The following GPN3 variants were observed in gnomAD, a reference collection of about 807,000 sequenced individuals.
GPN3 encodes the protein ATP-binding domain 1 family member C.
Under a neutral mutation model 38.7 loss-of-function variants are expected in GPN3, and 31 were observed. That is an observed-to-expected ratio of 0.80 (90% CI 0.60 to 1.08). The LOEUF (loss-of-function observed/expected upper bound fraction) is 1.08, where lower values mean the gene tolerates loss of function less well. Among genes scored for constraint, GPN3 ranks in the 50% least tolerant of loss-of-function variants. GPN3 has a pLI of 0.00. For missense variants in GPN3, 301 were observed against 354.4 expected, an observed-to-expected ratio of 0.85 and a Z score of 1.21; for synonymous variants, 116 against 120.2, an observed-to-expected ratio of 0.96 and a Z score of 0.23.
In GPN3 at chr12:110,465,115, C is replaced by T. The variant is rs146465651; in HGVS notation, c.148G>A (p.Val50Met). ...DPAAEHFNYS[V>M]MADIRELIEV... ...TTTGCTCAGGACTTACCAGCCATCA[C>T]GGAGTAGTTGAAGTGTTCTGCTGCT... Residue 50 changes from valine (V) to methionine (M), a missense_variant, in exon 2 of 8, where the codon GTG becomes ATG. Val to Met is a conservative substitution (Grantham distance 21). Coordinates refer to ENST00000228827, the MANE Select transcript of GPN3 (RefSeq NM_016301.4). 10 of 1,574,824 alleles carry T rather than the reference C, an allele frequency of 6.3e-6. No homozygotes were observed. The highest frequency in any genetic ancestry group is 3.3e-5 in the South Asian group (3 of 90,308).
At chr12:110,453,959 T>C in intron 6 of GPN3, 88 bp from the exon 7 acceptor site, 1 of 947,028 alleles carries the variant, frequency 1.1e-6, no homozygotes, top group Non-Finnish European at 1.6e-6. Flanking sequence ...TATAACCATT[T>C]GTACTTCTGA....
chr12:110,453,104 A>G lies in GPN3; in HGVS notation c.793-8T>C, dbSNP rs1381064705. 2 of 1,319,928 alleles carry G rather than the reference A, an allele frequency of 1.5e-6. No homozygotes were observed. Among genetic ancestry groups the G allele is most frequent in the Non-Finnish European group, 2.2e-6 (2 of 916,206 alleles). The allele number at this position is 1,319,928 out of a possible 1,614,324, so 81.8% of individuals were successfully genotyped here. A position where few individuals can be genotyped will look rare whatever the true frequency, so the allele number is the denominator to read the frequency against. On this transcript the variant is annotated splice_region_variant and splice_polypyrimidine_tract_variant and intron_variant, in intron 7 of 7. Transcript: ENST00000228827. Reference sequence around the variant, plus strand: ...AGACTCATCTTCACGTTCCTGACACAATGGAAACACAAAATAGAAAATATA... The same window carrying G: ...AGACTCATCTTCACGTTCCTGACACGATGGAAACACAAAATAGAAAATATA...
intron 2 of GPN3, chr12:110,461,348 T>C: frequency 1.2e-6 from 1 of 803,646 alleles, no homozygotes; most frequent in Non-Finnish European, 2.2e-6. Flanking sequence ...ACAGACAATG[T>C]CGATGAGAAC....
chr12:110,455,433 T>A (rs928484002), intron 6 of GPN3, among the ~76,000 whole-genome samples, 153 bp downstream of exon 6: 12 of 151,898 alleles, frequency 7.9e-5, no homozygotes, highest in African/African-American at 2.7e-4. Flanking sequence ...TGGCCTAATT[T>A]AAAAAATTTT....
upstream of GPN3, chr12:110,468,422 A>C: frequency 6.5e-7 from 1 of 1,534,138 alleles, no homozygotes; most frequent in South Asian, 1.2e-5. Context: ...CGCGTGCGCA[A>C]AAGTAGTTGA....
Position 110,456,285 on chromosome 12 carries a change from C to T in GPN3, c.451-355G>A, listed in dbSNP as rs970921967. On this transcript the variant is annotated intron_variant, in intron 4 of 7. Transcript: ENST00000228827. ...CGGAGGTTCCCGTGAGCCAAGATTG[C>T]GCCACCACATTCCAGCCTGGGCAAC... is the stretch of plus-strand genomic sequence containing the variant. Among the ~76,000 whole-genome samples, 11 of 147,498 alleles carry T rather than the reference C, an allele frequency of 7.5e-5. No individual in the cohort carries two copies. In the South Asian group the frequency reaches 1.1e-3, roughly 14 times the overall value.
At chr12:110,465,971 G>C (rs1232452452) in intron 1 of GPN3, among the ~76,000 whole-genome samples, 2 of 152,084 alleles carry the variant, frequency 1.3e-5, no homozygotes, top group Non-Finnish European at 2.9e-5. Flanking sequence ...CAGATACTCA[G>C]GAGGCTGAGG....
chr12:110,464,123 C>T (rs775137165), intron 2 of GPN3, among the ~76,000 whole-genome samples: 9 of 152,124 alleles, frequency 5.9e-5, no homozygotes, highest in Non-Finnish European at 2.9e-5. Flanking sequence ...GCACATGTCC[C>T]TGCACCCAGC....
upstream of GPN3, chr12:110,468,378 G>C: frequency 6.6e-7 from 1 of 1,521,068 alleles, no homozygotes; most frequent in Non-Finnish European, 8.8e-7. Context: ...AACGCGTCCT[G>C]AGAAAAAAGG....
chr12:110,457,463 A>T, intron 4 of GPN3, 47 bp downstream of exon 4: 2 of 1,192,860 alleles, frequency 1.7e-6, no homozygotes, highest in South Asian at 4.2e-5. Flanking sequence ...CACACAAAAA[A>T]AAAAAAAAAA....
intron 1 of GPN3, among the ~76,000 whole-genome samples, chr12:110,465,793 C>G (rs1017783822): frequency 1.3e-5 from 2 of 152,114 alleles, no homozygotes; most frequent in South Asian, 4.1e-4. Flanking sequence ...GTTAACATCT[C>G]GGGCTGGGTG....
At position 110,453,093 on chromosome 12, in the gene GPN3, G is replaced by T; in HGVS notation, c.796C>A (p.Arg266Ser). The change falls in exon 8 of 8, where the codon CGT becomes AGT. Residue 266 changes from arginine to serine, a missense_variant. Coordinates refer to ENST00000228827, the MANE Select transcript of GPN3 (RefSeq NM_016301.4). Reference sequence around the variant, plus strand: ...AACATAGAGGAAGACTCATCTTCACGTTCCTGACACAATGGAAACACAAAA... The same window carrying T: ...AACATAGAGGAAGACTCATCTTCACTTTCCTGACACAATGGAAACACAAAA... ...EDLEFKEPKEREDESSSMFDE... is the reference protein window; with the variant it reads ...EDLEFKEPKESEDESSSMFDE... The T allele has an allele frequency of 1.4e-6, 2 of 1,389,748 alleles. No homozygotes were observed. The highest frequency in any genetic ancestry group is 2.0e-6 in the Non-Finnish European group (2 of 978,542). The allele number at this position is 1,389,748 out of a possible 1,614,324, so 86.1% of individuals were successfully genotyped here.
chr12:110,461,824 C>T (rs2062591921), intron 2 of GPN3, among the ~76,000 whole-genome samples: 1 of 152,134 alleles, frequency 6.6e-6, no homozygotes, highest in Non-Finnish European at 1.5e-5. Flanking sequence ...GATAACTGAT[C>T]CAAATTGGGA....
chr12:110,462,599 A>C lies in GPN3; in HGVS notation c.157+2507T>G, dbSNP rs563566992. Reference sequence around the variant, plus strand: ...CAGTGCAGGTTGTACTTCTTTTTTTAATTTTAAAATGGAGTTTTGCTCTTG... The same window carrying C: ...CAGTGCAGGTTGTACTTCTTTTTTTCATTTTAAAATGGAGTTTTGCTCTTG... On this transcript the variant is annotated intron_variant, in intron 2 of 7. Transcript: ENST00000228827. Among the ~76,000 whole-genome samples the C allele has an allele frequency of 2.0e-5, 3 of 151,890 alleles. No individual in the cohort carries two copies. The South Asian group carries it at 6.2e-4, about 32-fold the overall frequency.
At chr12:110,468,040 T>C in intron 1 of GPN3, 116 bp downstream of exon 1, 1 of 1,377,298 alleles carries the variant, frequency 7.3e-7, no homozygotes, top group African/African-American at 1.4e-5. Context: ...CAGAAATGAG[T>C]TGCGTGGGGT....
chr12:110,456,091 A>G (rs2062547638), intron 4 of GPN3, among the ~76,000 whole-genome samples, 161 bp from the exon 5 acceptor site: 1 of 152,156 alleles, frequency 6.6e-6, no homozygotes, highest in Non-Finnish European at 1.5e-5. Context: ...ACACTTGGGG[A>G]GGCTGAGGCG....
chr12:110,466,188 A>G (rs1287287572), intron 1 of GPN3, among the ~76,000 whole-genome samples: 1 of 152,166 alleles, frequency 6.6e-6, no homozygotes, highest in Non-Finnish European at 1.5e-5. Flanking sequence ...TACCTAGTAC[A>G]TAATAAATAC....
At chr12:110,467,343 T>C (rs549034640) in intron 1 of GPN3, among the ~76,000 whole-genome samples, 60 of 152,188 alleles carry the variant, frequency 3.9e-4, no homozygotes, top group Non-Finnish European at 6.8e-4. Flanking sequence ...CTCACTGTAT[T>C]TGAATGTTCC....
intron 3 of GPN3, among the ~76,000 whole-genome samples, chr12:110,457,952 AC>A (rs2062561835): frequency 6.6e-6 from 1 of 151,698 alleles, no homozygotes; most frequent in Non-Finnish European, 1.5e-5. Flanking sequence ...ACATAGTGAA[AC>A]CCCATCTCTA....
Sources: allele counts gnomAD v4.1 joint callset (sites outside exome capture counted in the v4.1 genomes callset), GRCh38; gene constraint gnomAD v4.1.1; transcripts MANE v1.5; gene names NCBI Gene and HGNC (gene_info 2026-07-23, HGNC 2026-07-21).